Variants in CSF1 observed in about 807,000 individuals in gnomAD.
The protein encoded by CSF1 is colony stimulating factor 1.
CSF1 carries 9 observed loss-of-function variants against 48.9 expected under a neutral mutation model. The observed-to-expected ratio is 0.18, with a 90% CI of 0.11 to 0.32. The LOEUF (loss-of-function observed/expected upper bound fraction) is 0.32. Ranked by LOEUF, CSF1 falls within the 10% of genes least tolerant of loss-of-function variation. CSF1 has a pLI of 1.00. For missense variants in CSF1, 672 were observed against 697.9 expected (o/e 0.96, Z 0.42); for synonymous variants, 305 against 284.1 (o/e 1.07, Z -0.74).
Position 109,911,081 on chromosome 1 carries a change from G to C in CSF1, c.39+19G>C. ...TCCCACGGTAAGCGACGGCCGCGGC[G>C]CTGGGCCCGGGACGGGCTGGGGCGG... On this transcript the variant is annotated intron_variant, in intron 1 of 8. Transcript: ENST00000329608. The C allele has an allele frequency of 9.5e-7, 1 of 1,056,368 alleles. No homozygotes were observed. Among genetic ancestry groups the C allele is most frequent in the Non-Finnish European group, 1.1e-6 (1 of 878,794 alleles). The allele number at this position is 1,056,368 out of a possible 1,614,324, so 65.4% of individuals were successfully genotyped here.
intron 4 of CSF1, among the ~76,000 whole-genome samples, chr1:109,921,089 A>G (rs1250674433): frequency 6.6e-6 from 1 of 151,950 alleles, no homozygotes; most frequent in Non-Finnish European, 1.5e-5. Flanking sequence ...CCTTCTCCAC[A>G]CCACAGCTCA....
chr1:109,919,300 G>A (rs772409568), intron 4 of CSF1, among the ~76,000 whole-genome samples: 11 of 152,166 alleles, frequency 7.2e-5, no homozygotes, highest in South Asian at 6.2e-4. Context: ...GTTCAGCGGC[G>A]CAATCACGAC....
intron 3 of CSF1, 108 bp from the exon 4 acceptor site, chr1:109,917,185 C>T: frequency 1.6e-6 from 2 of 1,213,958 alleles, no homozygotes; most frequent in Non-Finnish European, 1.2e-6. Flanking sequence ...GGTGTGGTCC[C>T]TCCCCTGGGG....
chr1:109,921,063 G>A (rs1647508025), intron 4 of CSF1, among the ~76,000 whole-genome samples: 1 of 152,172 alleles, frequency 6.6e-6, no homozygotes, highest in South Asian at 2.1e-4. Flanking sequence ...CCATATGCCT[G>A]GCGGCTGCCC....
chr1:109,924,280 C>T lies in CSF1; in HGVS notation c.1569+90C>T, dbSNP rs541078222. 52 of 1,162,218 alleles carry T rather than the reference C, an allele frequency of 4.5e-5. No individual in the cohort carries two copies. In the African/African-American group the frequency reaches 6.4e-4, roughly 14 times the overall value. The allele number at this position is 1,162,218 out of a possible 1,614,324, so 72.0% of individuals were successfully genotyped here. A position where few individuals can be genotyped will look rare whatever the true frequency, so the allele number is the denominator to read the frequency against. ...TGCAGGTGGGGGGACAGCTTGGGTG[C>T]GGCCTGAGTTCTTCAGACACAGAGA... is the stretch of plus-strand genomic sequence containing the variant. On this transcript the variant is annotated intron_variant, in intron 6 of 8. Coordinates refer to ENST00000329608, the MANE Select transcript of CSF1 (RefSeq NM_000757.6).
intron 1 of CSF1, among the ~76,000 whole-genome samples, chr1:109,913,767 G>A (rs1012930819): frequency 6.6e-6 from 1 of 152,236 alleles, no homozygotes; most frequent in Non-Finnish European, 1.5e-5. Context: ...AGCCAGATCT[G>A]CATGGAACCA....
In CSF1 at chr1:109,923,876, C is replaced by G. The variant is rs772621335; in HGVS notation, c.1255C>G (p.Leu419Val). ...CCAGGGCCTCAGCAACCCCTCCACC[C>G]TCTCTGCTCAGCCACAGCTTTCCAG... ...RPQGLSNPSTLSAQPQLSRSH... is the reference protein window; with the variant it reads ...RPQGLSNPSTVSAQPQLSRSH... Residue 419 changes from leucine to valine, a missense_variant, in exon 6 of 9, where the codon CTC (leucine) becomes GTC (valine). Around this residue, in one of 3 missense-constraint regions of CSF1, gnomAD observed 591 missense variants for 593.6 expected, o/e 1.00. Coordinates refer to ENST00000329608, the MANE Select transcript of CSF1 (RefSeq NM_000757.6). 8 of 1,613,932 alleles carry G rather than the reference C, an allele frequency of 5.0e-6. No individual in the cohort carries two copies. Among genetic ancestry groups the G allele is most frequent in the Non-Finnish European group, 5.9e-6 (7 of 1,179,892 alleles).
chr1:109,912,828 C>G (rs1449444683), intron 1 of CSF1, among the ~76,000 whole-genome samples: 1 of 152,186 alleles, frequency 6.6e-6, no homozygotes, highest in Non-Finnish European at 1.5e-5. Flanking sequence ...CCCAGGGCAA[C>G]CTCCCCAACA....
At chr1:109,922,339 G>C in intron 5 of CSF1, 1 of 209,532 alleles carries the variant, frequency 4.8e-6, no homozygotes, top group Non-Finnish European at 9.4e-6. Context: ...TCTGCAGGCT[G>C]GCTGAACGTG....
rs1378317777 is a variant in CSF1, at chr1:109,923,134, T to G, written c.545-32T>G. 22 of 1,501,818 alleles carry G rather than the reference T, an allele frequency of 1.5e-5. No individual in the cohort carries two copies. In the East Asian group the frequency reaches 5.1e-4, roughly 35 times the overall value. The allele number at this position is 1,501,818 out of a possible 1,614,324, so 93.0% of individuals were successfully genotyped here. A position where few individuals can be genotyped will look rare whatever the true frequency, so the allele number is the denominator to read the frequency against. On this transcript the variant is annotated intron_variant, in intron 5 of 8. Transcript: ENST00000329608. ...CTAGTGACTCTATCTCCTCCCCATC[T>G]TTCTCTCTCCTTCTCTCTGTGGTTC... is the stretch of plus-strand genomic sequence containing the variant.
chr1:109,925,574 C>G (rs1647809649), intron 8 of CSF1, among the ~76,000 whole-genome samples: 1 of 152,068 alleles, frequency 6.6e-6, no homozygotes, highest in African/African-American at 2.4e-5. Flanking sequence ...CACTGCAAGC[C>G]CTATATTCTT....
chr1:109,917,587 A>G, intron 4 of CSF1, 124 bp downstream of exon 4: 1 of 992,192 alleles, frequency 1.0e-6, no homozygotes, highest in South Asian at 1.5e-5. Context: ...GCTCACTCTC[A>G]TTTATTTGTC....
Position 109,917,299 on chromosome 1 carries a change from C to A in CSF1, c.232C>A (p.Pro78Thr). The A allele has an allele frequency of 6.2e-7, 1 of 1,613,716 alleles. No homozygotes were observed. Among genetic ancestry groups the A allele is most frequent in the Non-Finnish European group, 8.5e-7 (1 of 1,179,854 alleles). Residue 78 changes from proline to threonine, a missense_variant, in exon 4 of 9, where the codon CCA (proline) becomes ACA (threonine). Around this residue, in one of 3 missense-constraint regions of CSF1, gnomAD observed 28 missense variants for 58.8 expected, o/e 0.48. Transcript: ENST00000329608. ...CCAGGTTCCTGTTTTTCAGAAAGAT[C>A]CAGTGTGCTACCTTAAGAAGGCATT... The part of the protein sequence containing the change: ...EFVDQEQLKD[P>T]VCYLKKAFLL...
intron 2 of CSF1, 69 bp downstream of exon 2, chr1:109,914,450 A>G (rs1222790782): frequency 2.0e-6 from 3 of 1,496,862 alleles, no homozygotes; most frequent in African/African-American, 2.8e-5. Flanking sequence ...GCCAGGGAGC[A>G]GGTCAAAGAG....
rs541583921 is a variant in CSF1, at chr1:109,930,586, T to C, written c.*1748T>C. 6.6e-6 allele frequency: 1 copy of C among 152,340 alleles called. No individual in the cohort carries two copies. Among genetic ancestry groups the C allele is most frequent in the South Asian group, 2.1e-4 (1 of 4,832 alleles). The allele number at this position is 152,340 out of a possible 1,614,324, so 9.4% of individuals were successfully genotyped here. ...TAGGGAAGGGCAGTGAACTTGCATA[T>C]GGGGCTTAGCCTTCTAGTCACAGCC... is the stretch of plus-strand genomic sequence containing the variant. On this transcript the variant is annotated 3_prime_UTR_variant, in exon 9 of 9. Coordinates refer to ENST00000329608, the MANE Select transcript of CSF1 (RefSeq NM_000757.6).
chr1:109,915,604 C>G, intron 2 of CSF1, 30 bp from the exon 3 acceptor site: 2 of 1,596,288 alleles, frequency 1.3e-6, no homozygotes, highest in Non-Finnish European at 1.7e-6. Flanking sequence ...GTAGGTTACC[C>G]TGCAATCGTT....
chr1:109,920,607 G>A (rs551408571), intron 4 of CSF1, among the ~76,000 whole-genome samples: 115 of 152,258 alleles, frequency 7.6e-4, no homozygotes, highest in African/African-American at 2.6e-3. Context: ...GTGAGCCACC[G>A]CACCCGGCCT....
intron 1 of CSF1, 63 bp downstream of exon 1, chr1:109,911,125 G>A: frequency 1.0e-6 from 1 of 952,924 alleles, no homozygotes; most frequent in Non-Finnish European, 1.3e-6. Context: ...CGGCCAGGCG[G>A]CCGGGAGCGG....
chr1:109,911,924 A>C (rs945614838), intron 1 of CSF1, among the ~76,000 whole-genome samples: 1 of 152,110 alleles, frequency 6.6e-6, no homozygotes, highest in Non-Finnish European at 1.5e-5. Flanking sequence ...TGAGGGTGGC[A>C]CTGTTCATGA....
Sources: allele counts gnomAD v4.1 joint callset (sites outside exome capture counted in the v4.1 genomes callset), GRCh38; gene constraint gnomAD v4.1.1; regional missense constraint gnomAD v4.1.1; transcripts MANE v1.5; gene names NCBI Gene and HGNC (gene_info 2026-07-23, HGNC 2026-07-21).